The following MAEL variants were observed in gnomAD, a reference collection of about 807,000 sequenced individuals.
The protein encoded by MAEL is protein maelstrom homolog.
A neutral mutation model predicts 62.0 loss-of-function variants in MAEL; 46 were observed. The ratio of observed to expected loss-of-function variants is 0.74; its 90% CI spans 0.59 to 0.95. The LOEUF is 0.95. Among genes scored for constraint, MAEL ranks in the 40% least tolerant of loss-of-function variants. The pLI, the probability that MAEL is intolerant of heterozygous loss-of-function variation, is 0.00. For missense variants in MAEL, 497 were observed against 526.8 expected, an observed-to-expected ratio of 0.94 and a Z score of 0.55; for synonymous variants, 172 against 175.5, an observed-to-expected ratio of 0.98 and a Z score of 0.16.
intron 5 of MAEL, among the ~76,000 whole-genome samples, chr1:166,994,540 T>C: frequency 6.6e-6 from 1 of 152,186 alleles, no homozygotes; most frequent in Non-Finnish European, 1.5e-5. Flanking sequence ...AAACCCTTTT[T>C]CTGGGAATTA....
intron 1 of MAEL, 88 bp from the exon 2 acceptor site, chr1:166,989,649 C>T: frequency 6.8e-6 from 10 of 1,466,242 alleles, no homozygotes; most frequent in Non-Finnish European, 9.3e-6. Context: ...GAACCACCTC[C>T]CTGTAATGCC....
At chr1:167,005,197 A>G (rs577212071) in intron 7 of MAEL, 59 bp from the exon 8 acceptor site, 4 of 1,610,166 alleles carry the variant, frequency 2.5e-6, no homozygotes, top group African/African-American at 2.7e-5. Context: ...TTCCACTTTG[A>G]TATCTTCCAG....
intron 8 of MAEL, among the ~76,000 whole-genome samples, chr1:167,007,899 T>C (rs929902791): frequency 3.3e-5 from 5 of 152,112 alleles, no homozygotes; most frequent in African/African-American, 1.2e-4. Context: ...TCAGAAGTTA[T>C]TTAGGTTCTT....
At chr1:166,989,211 A>G, upstream of MAEL, 1 of 1,129,976 alleles carries the variant, frequency 8.8e-7, no homozygotes, top group South Asian at 1.6e-5. Context: ...CCGCGGGGCA[A>G]TGCGACTGCG....
intron 8 of MAEL, among the ~76,000 whole-genome samples, chr1:167,008,287 T>C (rs1342346636): frequency 3.9e-5 from 6 of 152,124 alleles, no homozygotes; most frequent in Non-Finnish European, 5.9e-5. Flanking sequence ...TTGATAACTT[T>C]TTCTGTTCTT....
Position 166,983,674 on chromosome 1 carries a change from T to C in MAEL, c.-120-5727T>C, listed in dbSNP as rs377417371. 8.3e-4 allele frequency among the ~76,000 whole-genome samples: 126 copies of C among 152,240 alleles called. No individual in the cohort carries two copies. In the Middle Eastern group the frequency reaches 0.037, roughly 45 times the overall value. On this transcript the variant is annotated intron_variant, in intron 1 of 12. Coordinates refer to the MAEL transcript ENST00000622874. The stretch of plus-strand genomic sequence containing the variant: ...AAAATGGGGAAAGCTGTTCTGTTTA[T>C]GTAGGACTTAAGTAAAATAGAAAAA...
At chr1:166,996,849 C>T (rs1036872373) in intron 5 of MAEL, among the ~76,000 whole-genome samples, 10 of 151,890 alleles carry the variant, frequency 6.6e-5, no homozygotes, top group Non-Finnish European at 1.5e-4. Context: ...TTTTTTAAGA[C>T]GGAGTCTTGC....
At chr1:166,988,821 A>T (rs1026230828), upstream of MAEL, among the ~76,000 whole-genome samples, 1 of 152,142 alleles carries the variant, frequency 6.6e-6, no homozygotes, top group Non-Finnish European at 1.5e-5. Flanking sequence ...ATGTACTTTT[A>T]AAAAATTCGA....
intron 4 of MAEL, among the ~76,000 whole-genome samples, chr1:166,993,099 C>T (rs1225065210): frequency 6.6e-6 from 1 of 152,148 alleles, no homozygotes; most frequent in Non-Finnish European, 1.5e-5. Flanking sequence ...GCCTGCTATT[C>T]ACCTACCTAT....
intron 1 of MAEL, among the ~76,000 whole-genome samples, chr1:166,982,863 C>A (rs1557967999): frequency 6.6e-6 from 1 of 152,174 alleles, no homozygotes; most frequent in Non-Finnish European, 1.5e-5. Context: ...CTGATATGCT[C>A]CCACCTCAGA....
intron 8 of MAEL, among the ~76,000 whole-genome samples, chr1:167,015,602 A>G (rs1221485412): frequency 6.6e-6 from 1 of 152,176 alleles, no homozygotes; most frequent in Non-Finnish European, 1.5e-5. Flanking sequence ...GTAACCTTGT[A>G]TTGACTTACA....
At chr1:166,984,432 A>G (rs1663854501), upstream of MAEL, among the ~76,000 whole-genome samples, 1 of 151,922 alleles carries the variant, frequency 6.6e-6, no homozygotes, top group South Asian at 2.1e-4. Flanking sequence ...ACAAAAAAGT[A>G]TAAGTATGTG....
At chr1:166,989,872 G>A in intron 2 of MAEL, 43 bp downstream of exon 2, 1 of 1,487,760 alleles carries the variant, frequency 6.7e-7, no homozygotes, top group Non-Finnish European at 9.2e-7. Flanking sequence ...CTGGCACATA[G>A]GCATATTCAG....
chr1:167,000,340 C>T (rs1383494718), intron 5 of MAEL, among the ~76,000 whole-genome samples: 1 of 152,122 alleles, frequency 6.6e-6, no homozygotes, highest in Non-Finnish European at 1.5e-5. Flanking sequence ...TGACTTTGAG[C>T]AGTTCAAGAC....
chr1:167,012,892 T>G (rs1665229653), intron 8 of MAEL, among the ~76,000 whole-genome samples: 1 of 122,608 alleles, frequency 8.2e-6, no homozygotes, highest in South Asian at 2.5e-4. Context: ...GTTGAAGCAG[T>G]TGGGGGTCAT....
At chr1:167,002,147 A>G (rs1664697580) in intron 5 of MAEL, among the ~76,000 whole-genome samples, 1 of 152,158 alleles carries the variant, frequency 6.6e-6, no homozygotes, top group South Asian at 2.1e-4. Context: ...TGGTCACTAT[A>G]TATTTTACAT....
intron 10 of MAEL, 48 bp from the exon 11 acceptor site, chr1:167,021,037 A>C: frequency 7.5e-7 from 1 of 1,331,502 alleles, no homozygotes. Flanking sequence ...TCCAGTAATG[A>C]ATAAGAAATA....
In MAEL at chr1:167,021,880, A is replaced by G; in HGVS notation, c.*25A>G. ...ATGATGGTACTCTTTTCAATTTCTG[A>G]AAACAGTAACAGGCCCAACTTCCTT... On this transcript the variant is annotated 3_prime_UTR_variant, in exon 12 of 12. Coordinates refer to ENST00000367872, the MANE Select transcript of MAEL (RefSeq NM_032858.3). 1 of 1,529,796 alleles carries G rather than the reference A, an allele frequency of 6.5e-7. No individual in the cohort carries two copies. Among genetic ancestry groups the G allele is most frequent in the Admixed American group, 1.8e-5 (1 of 55,486 alleles). The allele number at this position is 1,529,796 out of a possible 1,614,324, so 94.8% of individuals were successfully genotyped here.
intron 1 of MAEL, 33 bp downstream of exon 1, chr1:166,989,517 G>A: frequency 6.4e-7 from 1 of 1,571,920 alleles, no homozygotes; most frequent in South Asian, 1.2e-5. Context: ...GGGCTGGGCA[G>A]GGCAGTTGGG....
Sources: allele counts gnomAD v4.1 joint callset (sites outside exome capture counted in the v4.1 genomes callset), GRCh38; gene constraint gnomAD v4.1.1; transcripts MANE v1.5; gene names NCBI Gene and HGNC (gene_info 2026-07-23, HGNC 2026-07-21).